The following LDLRAD3 variants were observed in gnomAD, a reference collection of about 807,000 sequenced individuals.
The protein encoded by LDLRAD3 is low-density lipoprotein receptor class A domain-containing protein 3.
In LDLRAD3, 20 loss-of-function variants were observed where a neutral mutation model predicts 29.4. The ratio of observed to expected loss-of-function variants is 0.68; its 90% CI spans 0.48 to 0.99. The LOEUF (loss-of-function observed/expected upper bound fraction) is 0.99. LDLRAD3 is among the 50% of genes least tolerant of loss of function. The pLI is 0.00. For missense variants in LDLRAD3, 420 were observed against 454.3 expected, an observed-to-expected ratio of 0.92 and a Z score of 0.69; for synonymous variants, 157 against 192.7, an observed-to-expected ratio of 0.81 and a Z score of 1.53.
chr11:36,105,718 C>T (rs937641724), intron 4 of LDLRAD3, among the ~76,000 whole-genome samples: 9 of 152,242 alleles, frequency 5.9e-5, no homozygotes, highest in Admixed American at 2.0e-4. Context: ...GAGAGAGGCT[C>T]GGAACAGATT....
In LDLRAD3 at chr11:36,182,157, G is replaced by A. The variant is rs115127116; in HGVS notation, c.455-44928G>A. 1.1e-3 allele frequency among the ~76,000 whole-genome samples: 162 copies of A among 152,290 alleles called. 3 individuals carry two copies. Among genetic ancestry groups the A allele is most frequent in the African/African-American group, 3.8e-3 (156 of 41,554 alleles). On this transcript the variant is annotated intron_variant, in intron 4 of 5. Transcript: ENST00000315571. ...GCCAGTAACAAATCATTGAAGTGAG[G>A]AGAATGAAGGTAAAGAAATTGATCA...
At chr11:35,965,306 T>A (rs1456416951) in intron 1 of LDLRAD3, among the ~76,000 whole-genome samples, 1 of 152,184 alleles carries the variant, frequency 6.6e-6, no homozygotes, top group Non-Finnish European at 1.5e-5. Flanking sequence ...TGGAATAAGT[T>A]TAATTCTAAG....
chr11:35,960,169 T>C (rs2133134425), intron 1 of LDLRAD3, among the ~76,000 whole-genome samples: 1 of 152,336 alleles, frequency 6.6e-6, no homozygotes. Flanking sequence ...TTTACCTTTA[T>C]AATTTTGAGT....
At chr11:36,010,363 T>G (rs924932377) in intron 1 of LDLRAD3, among the ~76,000 whole-genome samples, 1 of 152,222 alleles carries the variant, frequency 6.6e-6, no homozygotes, top group Non-Finnish European at 1.5e-5. Flanking sequence ...TCATAATATT[T>G]CTTATTAGAA....
chr11:36,000,697 G>A (rs901372431), intron 1 of LDLRAD3, among the ~76,000 whole-genome samples: 17 of 152,166 alleles, frequency 1.1e-4, no homozygotes, highest in African/African-American at 4.1e-4. Context: ...GATGAAAGTA[G>A]GAAGGCAGGT....
chr11:36,035,370 C>G (rs770240385), intron 1 of LDLRAD3, among the ~76,000 whole-genome samples: 1 of 152,092 alleles, frequency 6.6e-6, no homozygotes, highest in Non-Finnish European at 1.5e-5. Flanking sequence ...CTGGTGTTCT[C>G]TCTTTGCTTT....
intron 4 of LDLRAD3, among the ~76,000 whole-genome samples, chr11:36,117,677 A>T (rs1419765726): frequency 5.3e-5 from 8 of 152,222 alleles, no homozygotes; most frequent in Non-Finnish European, 1.2e-4. Flanking sequence ...GCAGTGTGAC[A>T]GCCGTGGCTG....
chr11:36,088,648 G>T (rs977345838), intron 3 of LDLRAD3, among the ~76,000 whole-genome samples: 1 of 152,160 alleles, frequency 6.6e-6, no homozygotes, highest in Non-Finnish European at 1.5e-5. Flanking sequence ...CAATTCATCA[G>T]TTGTAGCCTC....
Position 36,229,644 on chromosome 11 carries a change from A to T in LDLRAD3, c.*247A>T, listed in dbSNP as rs1280457798. 1.8e-5 allele frequency: 9 copies of T among 503,386 alleles called. No individual in the cohort carries two copies. The highest frequency in any genetic ancestry group is 1.7e-4 in the African/African-American group (9 of 52,738). 31.2% of individuals were successfully genotyped at this position (503,386 alleles called of 1,614,324 possible). On this transcript the variant is annotated 3_prime_UTR_variant, in exon 6 of 6. Transcript: ENST00000315571. ...CTCTTCCCTTGGGACCCGAGATCAC[A>T]CCCTCATTTTTCACATTATTCTGTT...
chr11:36,078,999 T>C (rs1287552073), intron 2 of LDLRAD3, among the ~76,000 whole-genome samples: 1 of 152,146 alleles, frequency 6.6e-6, no homozygotes, highest in Non-Finnish European at 1.5e-5. Context: ...TGGCAGAGGC[T>C]TCAGGTCTGG....
chr11:36,068,812 A>G (rs4604850), intron 2 of LDLRAD3, among the ~76,000 whole-genome samples: 150,113 of 152,282 alleles, frequency 0.99, 74,011 homozygotes, highest in Middle Eastern at 1. Context: ...CACCGCGCCC[A>G]GCCCAGAAAC....
chr11:36,143,588 T>A (rs1854118626), intron 4 of LDLRAD3, among the ~76,000 whole-genome samples: 1 of 152,212 alleles, frequency 6.6e-6, no homozygotes. Flanking sequence ...GTATGGAGAC[T>A]GTGTGTTCCA....
At chr11:36,014,360 C>T (rs1851993704) in intron 1 of LDLRAD3, among the ~76,000 whole-genome samples, 1 of 152,166 alleles carries the variant, frequency 6.6e-6, no homozygotes, top group South Asian at 2.1e-4. Flanking sequence ...ATGGTATTAC[C>T]AGCCTAGGCT....
chr11:36,124,313 T>C (rs1332353998), intron 4 of LDLRAD3, among the ~76,000 whole-genome samples: 2 of 152,230 alleles, frequency 1.3e-5, no homozygotes, highest in African/African-American at 2.4e-5. Context: ...AGGCTGAGGC[T>C]ACCAAGTATC....
chr11:36,205,666 G>C (rs1855196669), intron 4 of LDLRAD3, among the ~76,000 whole-genome samples: 1 of 152,190 alleles, frequency 6.6e-6, no homozygotes, highest in Non-Finnish European at 1.5e-5. Flanking sequence ...GTGCTGCTGA[G>C]ACCACAAGGG....
intron 4 of LDLRAD3, among the ~76,000 whole-genome samples, chr11:36,151,153 T>C (rs1373074357): frequency 6.6e-6 from 1 of 152,158 alleles, no homozygotes; most frequent in Non-Finnish European, 1.5e-5. Context: ...GTTGTTCAAA[T>C]TGTAATTCAC....
At chr11:36,144,202 A>G (rs1477578869) in intron 4 of LDLRAD3, among the ~76,000 whole-genome samples, 1 of 151,900 alleles carries the variant, frequency 6.6e-6, no homozygotes, top group Admixed American at 6.6e-5. Context: ...AGGTGCCGGG[A>G]TGGCAGACAG....
At chr11:35,990,487 A>G (rs184714277) in intron 1 of LDLRAD3, among the ~76,000 whole-genome samples, 1 of 151,940 alleles carries the variant, frequency 6.6e-6, no homozygotes, top group Admixed American at 6.6e-5. Flanking sequence ...GCGTGATCTC[A>G]GCTAACTGCC....
intron 1 of LDLRAD3, among the ~76,000 whole-genome samples, chr11:35,977,064 G>A (rs1851485951): frequency 1.3e-5 from 2 of 152,200 alleles, no homozygotes; most frequent in African/African-American, 2.4e-5. Context: ...GCTCAGGCAT[G>A]TGTTATGCCT....
Sources: allele counts gnomAD v4.1 joint callset (sites outside exome capture counted in the v4.1 genomes callset), GRCh38; gene constraint gnomAD v4.1.1; transcripts MANE v1.5; gene names NCBI Gene and HGNC (gene_info 2026-07-23, HGNC 2026-07-21).